The following MGMT variants were observed in gnomAD, a reference collection of about 807,000 sequenced individuals.
The protein encoded by MGMT is methylated-DNA--protein-cysteine methyltransferase.
MGMT carries 14 observed loss-of-function variants against 15.9 expected under a neutral mutation model. That is an observed-to-expected ratio of 0.88 (90% confidence interval 0.58 to 1.37). The LOEUF (loss-of-function observed/expected upper bound fraction) is 1.37, where lower values mean the gene tolerates loss of function less well. Among genes scored for constraint, MGMT ranks in the 40% most tolerant of loss-of-function variants. The pLI is 0.00. For missense variants in MGMT, 282 were observed against 268.1 expected (o/e 1.05, Z -0.36); for synonymous variants, 130 against 118.2 (o/e 1.10, Z -0.65).
chr10:129,497,999 G>A (rs1302787020), intron 1 of MGMT, among the ~76,000 whole-genome samples: 1 of 152,236 alleles, frequency 6.6e-6, no homozygotes, highest in Non-Finnish European at 1.5e-5. Context: ...GCAACCAGAA[G>A]GAACTAAGAC....
In MGMT at chr10:129,512,105, C is replaced by T. The variant is rs143479214; in HGVS notation, c.-12-24136C>T. Among the ~76,000 whole-genome samples the T allele has an allele frequency of 4.1e-4, 62 of 152,176 alleles. No homozygotes were observed. The East Asian group carries it at 0.01, about 26-fold the overall frequency. On this transcript the variant is annotated intron_variant, in intron 1 of 4. Coordinates refer to ENST00000651593, the MANE Select transcript of MGMT (RefSeq NM_002412.5). ...GATGCAGGATGCTGGAGATGGGGGG[C>T]GCAGAAAGAAACAGGCCCTGATTCT...
chr10:129,607,270 G>C (rs968576685), intron 2 of MGMT, among the ~76,000 whole-genome samples: 1 of 152,088 alleles, frequency 6.6e-6, no homozygotes, highest in Non-Finnish European at 1.5e-5. Context: ...AATATCCCGG[G>C]AAGAATTACC....
At chr10:129,730,746 A>C (rs755328071) in intron 3 of MGMT, among the ~76,000 whole-genome samples, 1 of 152,094 alleles carries the variant, frequency 6.6e-6, no homozygotes, top group African/African-American at 2.4e-5. Flanking sequence ...TATTTCTGCT[A>C]TTGTTCAGAA....
chr10:129,749,855 G>A (rs77520644), intron 3 of MGMT, among the ~76,000 whole-genome samples: 10,815 of 152,064 alleles, frequency 0.071, 662 homozygotes, highest in East Asian at 0.21. Context: ...TTAGTGTGCA[G>A]CTCCTAAAGA....
chr10:129,498,560 C>A (rs769041736), intron 1 of MGMT, among the ~76,000 whole-genome samples: 5 of 152,106 alleles, frequency 3.3e-5, no homozygotes, highest in Non-Finnish European at 7.4e-5. Context: ...ATTTTAATTT[C>A]TGGGGTATAG....
At chr10:129,489,190 C>G (rs1314260142) in intron 1 of MGMT, among the ~76,000 whole-genome samples, 1 of 151,866 alleles carries the variant, frequency 6.6e-6, no homozygotes, top group African/African-American at 2.4e-5. Context: ...GAAACCCCAT[C>G]TTTACTAAAA....
intron 2 of MGMT, among the ~76,000 whole-genome samples, chr10:129,629,116 A>C (rs1847182934): frequency 6.6e-6 from 1 of 152,228 alleles, no homozygotes; most frequent in African/African-American, 2.4e-5. Context: ...GCAATGGTCT[A>C]CACCGCCATT....
At chr10:129,696,752 C>T (rs1848037194) in intron 2 of MGMT, among the ~76,000 whole-genome samples, 1 of 152,216 alleles carries the variant, frequency 6.6e-6, no homozygotes, top group Non-Finnish European at 1.5e-5. Flanking sequence ...GGACCAGCCC[C>T]AGGATGGTGC....
At chr10:129,681,810 G>A (rs1315757541) in intron 2 of MGMT, among the ~76,000 whole-genome samples, 4 of 152,252 alleles carry the variant, frequency 2.6e-5, no homozygotes, top group East Asian at 3.9e-4. Context: ...AGCATATACC[G>A]AGGAACAACT....
intron 1 of MGMT, among the ~76,000 whole-genome samples, chr10:129,503,299 G>A (rs1845593699): frequency 6.6e-6 from 1 of 152,156 alleles, no homozygotes; most frequent in Admixed American, 6.5e-5. Context: ...CCGAGATAAA[G>A]CTGCTGCTTT....
intron 2 of MGMT, among the ~76,000 whole-genome samples, chr10:129,569,971 C>A (rs1846398551): frequency 6.6e-6 from 1 of 152,232 alleles, no homozygotes; most frequent in South Asian, 2.1e-4. Flanking sequence ...ACATTGCTTG[C>A]CCTCCATAAT....
At chr10:129,662,104 TA>T (rs913831888) in intron 2 of MGMT, among the ~76,000 whole-genome samples, 11 of 151,972 alleles carry the variant, frequency 7.2e-5, no homozygotes, top group African/African-American at 2.4e-4. Flanking sequence ...TTCTTGTTTG[TA>T]AATAAGAATG....
chr10:129,580,923 T>C (rs980487701), intron 2 of MGMT, among the ~76,000 whole-genome samples: 18 of 152,330 alleles, frequency 1.2e-4, no homozygotes, highest in African/African-American at 3.1e-4. Context: ...TGTTGAGAAA[T>C]GCATCCTTAC....
intron 2 of MGMT, chr10:129,700,624 A>G (rs1207706188): frequency 6.6e-6 from 1 of 152,228 alleles, no homozygotes; most frequent in Non-Finnish European, 1.5e-5. Flanking sequence ...TCAGATCCTC[A>G]GTAAATGATT....
At chr10:129,488,994 T>TC (rs1845440609) in intron 1 of MGMT, among the ~76,000 whole-genome samples, 1 of 152,176 alleles carries the variant, frequency 6.6e-6, no homozygotes, top group Non-Finnish European at 1.5e-5. Flanking sequence ...GCTCTCCTGT[T>TC]CCATTGATCT....
At chr10:129,542,288 A>G (rs74160221) in intron 2 of MGMT, among the ~76,000 whole-genome samples, 5,547 of 152,196 alleles carry the variant, frequency 0.036, 237 homozygotes, top group African/African-American at 0.11. Context: ...CTGTGCTGCC[A>G]GTTATCCCCA....
At position 129,770,957 on chromosome 10, in the gene MGMT, A is replaced by G. The variant is rs1282765520; in HGVS notation, c.*3960A>G. Among the ~76,000 whole-genome samples, 1 of 151,806 alleles carries G rather than the reference A, an allele frequency of 6.6e-6. No individual in the cohort carries two copies. Among genetic ancestry groups the G allele is most frequent in the African/African-American group, 2.4e-5 (1 of 41,266 alleles). ...CTTTCTTTCTTTCCTGTTCATGGGCATTTGATTAAAAGTTTGTGTTTAAAG... is the reference window on the plus strand; with the variant it reads ...CTTTCTTTCTTTCCTGTTCATGGGCGTTTGATTAAAAGTTTGTGTTTAAAG... On this transcript the variant is annotated 3_prime_UTR_variant, in exon 5 of 5. Transcript: ENST00000651593.
chr10:129,553,354 C>G (rs1333894325), intron 2 of MGMT, among the ~76,000 whole-genome samples: 1 of 152,186 alleles, frequency 6.6e-6, no homozygotes, highest in Non-Finnish European at 1.5e-5. Context: ...AAAGGAAACC[C>G]TGGCTGCTGA....
rs983473283 is a variant in MGMT, at chr10:129,532,375, T to C, written c.-12-3866T>C. On this transcript the variant is annotated intron_variant, in intron 1 of 4. Coordinates refer to ENST00000651593, the MANE Select transcript of MGMT (RefSeq NM_002412.5). The surrounding 1 kb of genome is among the most constrained non-coding windows in gnomAD (Gnocchi z 5.3). ...CCACACCAGGTTTGGCTGGAAGCCT[T>C]CTCCACCGCATTCCCAACCGCTGGC... Among the ~76,000 whole-genome samples the C allele has an allele frequency of 1.3e-5, 2 of 152,170 alleles. No homozygotes were observed. Among genetic ancestry groups the C allele is most frequent in the Non-Finnish European group, 2.9e-5 (2 of 68,028 alleles).
Sources: allele counts gnomAD v4.1 joint callset (sites outside exome capture counted in the v4.1 genomes callset), GRCh38; gene constraint gnomAD v4.1.1; non-coding constraint Gnocchi (gnomAD v3.1); transcripts MANE v1.5; gene names NCBI Gene and HGNC (gene_info 2026-07-23, HGNC 2026-07-21).